LRP1B: variants seen among roughly 807,000 people sequenced by gnomAD.
The protein encoded by LRP1B is low-density lipoprotein receptor-related protein 1B.
LRP1B carries 217 observed loss-of-function variants against 556.6 expected under a neutral mutation model. The ratio of observed to expected loss-of-function variants is 0.39; its 90% CI spans 0.35 to 0.44. LRP1B has a LOEUF of 0.44. Ranked by LOEUF, LRP1B falls within the 20% of genes least tolerant of loss-of-function variation. LRP1B has a pLI of 1.00. For synonymous variants in LRP1B, 2,047 were observed against 1,865.8 expected (o/e 1.10, Z -2.50); for missense variants, 5,053 against 5,620.8 (o/e 0.90, Z 3.23).
chr2:142,074,546 G>T (rs1439029554), intron 1 of LRP1B, among the ~76,000 whole-genome samples: 1 of 151,840 alleles, frequency 6.6e-6, no homozygotes, highest in Non-Finnish European at 1.5e-5. Flanking sequence ...TTTTCTGTTT[G>T]CCTTATACTT....
At chr2:140,407,513 G>A (rs986227652) in intron 66 of LRP1B, among the ~76,000 whole-genome samples, 1 of 151,896 alleles carries the variant, frequency 6.6e-6, no homozygotes, top group African/African-American at 2.4e-5. Flanking sequence ...TAAAAAGTGG[G>A]CAAATGACAT....
chr2:140,665,297 A>G (rs566194869), intron 41 of LRP1B, among the ~76,000 whole-genome samples: 139 of 152,340 alleles, frequency 9.1e-4, no homozygotes, highest in Non-Finnish European at 1.6e-3. Context: ...TGAAAAGTTC[A>G]CTCATATTTA....
intron 3 of LRP1B, among the ~76,000 whole-genome samples, chr2:141,284,432 A>T (rs915329185): frequency 1.3e-5 from 2 of 152,228 alleles, no homozygotes; most frequent in Admixed American, 1.3e-4. Context: ...TACAGGGATT[A>T]GTTAGGTGGT....
intron 35 of LRP1B, among the ~76,000 whole-genome samples, chr2:140,742,562 T>C (rs1464640496): frequency 6.6e-6 from 1 of 152,116 alleles, no homozygotes; most frequent in Non-Finnish European, 1.5e-5. Flanking sequence ...AGAAACACTT[T>C]ACATGGTACC....
rs1033560019 is a variant in LRP1B at position 140,296,796 on chromosome 2, G to A, written c.12967+1012C>T. Among the ~76,000 whole-genome samples, 3 of 152,082 alleles carry A rather than the reference G, an allele frequency of 2.0e-5. No individual in the cohort carries two copies. In the South Asian group the frequency reaches 6.2e-4, roughly 32 times the overall value. ...GACATTAAATAAAATCAATTAACTT[G>A]ACTTTCATAAAAGATATTTTAGCAG... On this transcript the variant is annotated intron_variant, in intron 84 of 90. Coordinates refer to ENST00000389484, the MANE Select transcript of LRP1B (RefSeq NM_018557.3).
chr2:141,586,952 G>A (rs66991905), intron 2 of LRP1B, among the ~76,000 whole-genome samples: 11,252 of 92,448 alleles, frequency 0.12, 410 homozygotes, highest in South Asian at 0.17. Context: ...AAAAAAAAAA[G>A]AAAAAAAAAA....
chr2:141,047,167 A>G (rs1280086353), intron 11 of LRP1B, among the ~76,000 whole-genome samples: 5 of 152,074 alleles, frequency 3.3e-5, no homozygotes, highest in Admixed American at 2.6e-4. Context: ...TGTCCATCTA[A>G]AACTGTCAGG....
chr2:141,912,064 T>C (rs1216756233), intron 1 of LRP1B, among the ~76,000 whole-genome samples: 1 of 152,202 alleles, frequency 6.6e-6, no homozygotes, highest in Non-Finnish European at 1.5e-5. Context: ...TTTTGGGACA[T>C]AGCTATCATA....
chr2:140,272,335 A>G (rs1392647923), intron 85 of LRP1B, among the ~76,000 whole-genome samples: 2 of 151,702 alleles, frequency 1.3e-5, no homozygotes, highest in Admixed American at 1.3e-4. Context: ...ATTACTAGTT[A>G]TTCAGTCCAT....
chr2:141,888,037 C>T (rs768242756), intron 1 of LRP1B, among the ~76,000 whole-genome samples: 6 of 152,134 alleles, frequency 3.9e-5, no homozygotes, highest in Non-Finnish European at 7.4e-5. Flanking sequence ...TCATAAATTG[C>T]AAATTTAGTC....
At position 141,795,527 on chromosome 2, in the gene LRP1B, G is replaced by A. The variant is rs13415068; in HGVS notation, c.205+14752C>T. Among the ~76,000 whole-genome samples the A allele has an allele frequency of 7.4e-3, 1,118 of 152,020 alleles. 18 individuals are homozygous for A. Among genetic ancestry groups the A allele is most frequent in the African/African-American group, 0.025 (1,033 of 41,488 alleles). The stretch of plus-strand genomic sequence containing the variant: ...AATTATTATTTCAGAGTCCACGTTT[G>A]TGGTGATTCCATTGTTATTATTTTG... On this transcript the variant is annotated intron_variant, in intron 2 of 90. Transcript: ENST00000389484.
At chr2:141,824,465 T>G (rs562124252) in intron 1 of LRP1B, among the ~76,000 whole-genome samples, 54 of 152,286 alleles carry the variant, frequency 3.5e-4, no homozygotes, top group African/African-American at 1.3e-3. Flanking sequence ...GTTCACGCCA[T>G]TCTCCTGCCT....
intron 6 of LRP1B, among the ~76,000 whole-genome samples, chr2:141,211,571 C>A (rs1292233451): frequency 2.6e-5 from 4 of 152,008 alleles, no homozygotes; most frequent in Non-Finnish European, 5.9e-5. Flanking sequence ...GAGCCGAGAT[C>A]CGGCCATTGC....
intron 1 of LRP1B, among the ~76,000 whole-genome samples, chr2:141,811,222 T>G (rs2105709610): frequency 6.6e-6 from 1 of 152,230 alleles, no homozygotes; most frequent in East Asian, 1.9e-4. Flanking sequence ...GGAATGTTTC[T>G]TACAGTCATG....
At chr2:140,970,733 T>C (rs930165572) in intron 18 of LRP1B, among the ~76,000 whole-genome samples, 7,606 of 21,790 alleles carry the variant, frequency 0.35, 1,054 homozygotes, top group Non-Finnish European at 0.41. Context: ...TTTTTTTTTT[T>C]TTTTTTTTTT....
At chr2:141,126,478 C>T (rs1701215284) in intron 7 of LRP1B, among the ~76,000 whole-genome samples, 1 of 152,144 alleles carries the variant, frequency 6.6e-6, no homozygotes. Flanking sequence ...TATTTCAGGT[C>T]CTCTAAGGAC....
intron 47 of LRP1B, among the ~76,000 whole-genome samples, chr2:140,528,883 C>T (rs923616892): frequency 2.0e-5 from 3 of 151,968 alleles, no homozygotes; most frequent in Admixed American, 6.6e-5. Context: ...ATCTTCACTT[C>T]GTTGTGGTCA....
intron 2 of LRP1B, among the ~76,000 whole-genome samples, chr2:141,533,832 A>G (rs887352433): frequency 1.3e-5 from 2 of 152,104 alleles, no homozygotes; most frequent in Non-Finnish European, 2.9e-5. Flanking sequence ...TGGCATCCCT[A>G]TCTTCACTTA....
At chr2:140,603,380 T>A (rs1456414111) in intron 41 of LRP1B, among the ~76,000 whole-genome samples, 1 of 152,120 alleles carries the variant, frequency 6.6e-6, no homozygotes, top group Non-Finnish European at 1.5e-5. Context: ...AAATCACCTT[T>A]GCCAGTGTAT....
Sources: gnomAD v4.1 joint callset for allele counts (sites outside exome capture counted in the v4.1 genomes callset) on GRCh38, gnomAD v4.1.1 for gene constraint, MANE v1.5 for transcripts, NCBI Gene and HGNC (gene_info 2026-07-23, HGNC 2026-07-21) for gene names.